The following MYO5B variants were observed in gnomAD, a reference collection of about 807,000 sequenced individuals.
The protein encoded by MYO5B is myosin VB.
MYO5B carries 143 observed loss-of-function variants against 229.3 expected under a neutral mutation model. That is an observed-to-expected ratio of 0.62 (90% CI 0.54 to 0.72). The LOEUF is 0.72. Among genes scored for constraint, MYO5B ranks in the 30% least tolerant of loss-of-function variants. The pLI, the probability that MYO5B is intolerant of heterozygous loss-of-function variation, is 0.00. For missense variants in MYO5B, 2,321 were observed against 2,331.0 expected (o/e 1.00, Z 0.09); for synonymous variants, 918 against 885.2 (o/e 1.04, Z -0.66).
intron 4 of MYO5B, among the ~76,000 whole-genome samples, chr18:50,014,034 C>T (rs2026190131): frequency 6.6e-6 from 1 of 152,116 alleles, no homozygotes; most frequent in Non-Finnish European, 1.5e-5. Context: ...TCTTTGACCC[C>T]CTCAATTGTG....
At chr18:50,044,800 G>C (rs2030174395) in intron 2 of MYO5B, among the ~76,000 whole-genome samples, 2 of 152,074 alleles carry the variant, frequency 1.3e-5, no homozygotes, top group Admixed American at 1.3e-4. Flanking sequence ...GAGGATGCCG[G>C]CAGGGAAAAA....
At chr18:50,039,136 G>C (rs577002334) in intron 3 of MYO5B, among the ~76,000 whole-genome samples, 1 of 151,710 alleles carries the variant, frequency 6.6e-6, no homozygotes, top group African/African-American at 2.4e-5. Flanking sequence ...GTTCCCTCCC[G>C]GGACAAGACC....
At chr18:49,898,183 G>C (rs538531290) in intron 21 of MYO5B, among the ~76,000 whole-genome samples, 1 of 152,058 alleles carries the variant, frequency 6.6e-6, no homozygotes, top group African/African-American at 2.4e-5. Flanking sequence ...CTCACCTAAC[G>C]ATGCATTTCT....
Position 49,906,598 on chromosome 18 carries a change from C to T in MYO5B, c.2235G>A (p.Lys745=). 6.2e-7 allele frequency: 1 copy of T among 1,614,114 alleles called. No individual in the cohort carries two copies. The highest frequency in any genetic ancestry group is 8.5e-7 in the Non-Finnish European group (1 of 1,180,030). The change falls in exon 19 of 40, where the codon AAG becomes AAA. Residue 745 remains lysine (K), a synonymous_variant. Transcript: ENST00000285039. ...DPDKFQFGRT[K]IFFRAGQVAY... is the part of the protein sequence containing the mutation. Reference sequence around the variant, plus strand: ...CCACCTGGCCTGCTCGAAAGAAGATCTTGGTGCGGCCAAACTGGAACTTGT... The same window carrying T: ...CCACCTGGCCTGCTCGAAAGAAGATTTTGGTGCGGCCAAACTGGAACTTGT...
At chr18:49,862,892 A>AC (rs1028040593) in intron 29 of MYO5B, among the ~76,000 whole-genome samples, 4 of 99,330 alleles carry the variant, frequency 4.0e-5, no homozygotes, top group African/African-American at 1.6e-4. Context: ...CCAGTTAGCC[A>AC]CCCCCCACCC....
At chr18:49,897,616 T>C (rs1479024136) in intron 21 of MYO5B, among the ~76,000 whole-genome samples, 1 of 152,082 alleles carries the variant, frequency 6.6e-6, no homozygotes, top group Non-Finnish European at 1.5e-5. Flanking sequence ...TATCAAGAAA[T>C]AAAAAATTTT....
At chr18:50,162,558 G>A (rs1342073047) in intron 1 of MYO5B, among the ~76,000 whole-genome samples, 1 of 152,126 alleles carries the variant, frequency 6.6e-6, no homozygotes, top group East Asian at 1.9e-4. Context: ...ACTGATGAGG[G>A]GAGAGAACAC....
intron 4 of MYO5B, among the ~76,000 whole-genome samples, chr18:50,013,324 C>T (rs182889905): frequency 6.6e-5 from 10 of 152,340 alleles, no homozygotes; most frequent in Admixed American, 1.3e-4. Flanking sequence ...TCCTGGCCTA[C>T]AGGTCTGAGT....
intron 2 of MYO5B, among the ~76,000 whole-genome samples, 175 bp from the exon 3 acceptor site, chr18:50,040,489 C>A (rs1481085890): frequency 6.6e-6 from 1 of 152,142 alleles, no homozygotes; most frequent in Non-Finnish European, 1.5e-5. Context: ...AGAGACCAGT[C>A]CAGATGGAAA....
At chr18:50,102,095 C>G (rs529228906) in intron 1 of MYO5B, among the ~76,000 whole-genome samples, 1 of 152,058 alleles carries the variant, frequency 6.6e-6, no homozygotes, top group African/African-American at 2.4e-5. Context: ...GGAAGGATTG[C>G]GTCCTTGGAT....
intron 1 of MYO5B, among the ~76,000 whole-genome samples, chr18:50,174,012 C>T (rs2032957651): frequency 6.6e-6 from 1 of 152,080 alleles, no homozygotes; most frequent in Non-Finnish European, 1.5e-5. Flanking sequence ...TCTGCCCTCA[C>T]CTATATGGGT....
chr18:49,924,474 A>G (rs565330119), intron 17 of MYO5B, among the ~76,000 whole-genome samples: 2 of 152,362 alleles, frequency 1.3e-5, no homozygotes, highest in African/African-American at 2.4e-5. Context: ...GCCTGACTCC[A>G]AAGTCCAAGA....
At chr18:50,052,555 T>G (rs1598983994) in intron 2 of MYO5B, among the ~76,000 whole-genome samples, 1 of 67,442 alleles carries the variant, frequency 1.5e-5, no homozygotes, top group Non-Finnish European at 2.6e-5. Flanking sequence ...GGGACTGTTG[T>G]GGGGTGGGGG....
chr18:50,043,606 A>G lies in MYO5B; in HGVS notation c.139-3292T>C, dbSNP rs2030129817. Among the ~76,000 whole-genome samples the G allele has an allele frequency of 3.0e-5, 4 of 132,508 alleles. No homozygotes were observed. The South Asian group carries it at 8.7e-4, about 29-fold the overall frequency. The allele number at this position is 132,508 out of a possible 152,430, so 86.9% of individuals were successfully genotyped here. ...AAAATATATTTATAAGTATATAAAT[A>G]TATAAATATATATAAATATATAAAT... is the stretch of plus-strand genomic sequence containing the variant. On this transcript the variant is annotated intron_variant, in intron 2 of 39. Coordinates refer to ENST00000285039, the MANE Select transcript of MYO5B (RefSeq NM_001080467.3).
intron 29 of MYO5B, among the ~76,000 whole-genome samples, chr18:49,860,678 G>T (rs1326881881): frequency 6.6e-6 from 1 of 152,192 alleles, no homozygotes; most frequent in African/African-American, 2.4e-5. Context: ...GCTATGACTG[G>T]GAATGTGATG....
At chr18:49,849,958 T>C in intron 31 of MYO5B, 1 of 430,638 alleles carries the variant, frequency 2.3e-6, no homozygotes, top group Admixed American at 3.5e-5. Flanking sequence ...CTCCTCCGGT[T>C]GCCATGCCAA....
intron 30 of MYO5B, among the ~76,000 whole-genome samples, 181 bp from the exon 31 acceptor site, chr18:49,853,828 A>C (rs1456299078): frequency 6.6e-6 from 1 of 152,260 alleles, no homozygotes; most frequent in Non-Finnish European, 1.5e-5. Context: ...AGCAGGCCAA[A>C]GTGTCCTCCT....
chr18:50,008,628 AGGT>A (rs911380147), intron 4 of MYO5B, among the ~76,000 whole-genome samples: 9 of 152,154 alleles, frequency 5.9e-5, no homozygotes, highest in African/African-American at 2.2e-4. Flanking sequence ...GAGGATGAAG[AGGT>A]GGGAACAACA....
intron 1 of MYO5B, among the ~76,000 whole-genome samples, chr18:50,066,520 AG>A (rs1446357937): frequency 6.6e-6 from 1 of 152,178 alleles, no homozygotes; most frequent in Non-Finnish European, 1.5e-5. Context: ...GTTGTTTCAG[AG>A]GGTTGAATGG....
Sources: gnomAD v4.1 joint callset for allele counts (sites outside exome capture counted in the v4.1 genomes callset) on GRCh38, gnomAD v4.1.1 for gene constraint, MANE v1.5 for transcripts, NCBI Gene and HGNC (gene_info 2026-07-23, HGNC 2026-07-21) for gene names.